NPLOC4: variants seen among roughly 807,000 people sequenced by gnomAD.
NPLOC4 encodes the protein NPL4 homolog, ubiquitin recognition factor.
Under a neutral mutation model 80.6 loss-of-function variants are expected in NPLOC4, and 18 were observed. The observed-to-expected ratio is 0.22, with a 90% CI of 0.15 to 0.33. The LOEUF (loss-of-function observed/expected upper bound fraction) is 0.33, where lower values mean the gene tolerates loss of function less well. NPLOC4 is among the 10% of genes least tolerant of loss of function. The pLI is 1.00. For synonymous variants in NPLOC4, 313 were observed against 301.5 expected (o/e 1.04, Z -0.39); for missense variants, 540 against 786.1 (o/e 0.69, Z 3.74).
At chr17:81,615,578 C>G (rs932799287) in intron 3 of NPLOC4, among the ~76,000 whole-genome samples, 1 of 152,222 alleles carries the variant, frequency 6.6e-6, no homozygotes, top group African/African-American at 2.4e-5. Context: ...ACTCAGACAG[C>G]AGCCAGCAAC....
intron 7 of NPLOC4, among the ~76,000 whole-genome samples, chr17:81,606,324 A>G (rs920086336): frequency 6.6e-6 from 1 of 152,104 alleles, no homozygotes; most frequent in Non-Finnish European, 1.5e-5. Context: ...TTCCTGAGCC[A>G]CATTCTCTCC....
rs1272410941 is a variant in NPLOC4, at chr17:81,567,159, G to A, written c.1566+258C>T. ...CCATTCGATTGTAACAGATGAAACC[G>A]TACTTCCTCACAGAGGTGCAGACAC... On this transcript the variant is annotated intron_variant, in intron 15 of 16. Coordinates refer to ENST00000331134, the MANE Select transcript of NPLOC4 (RefSeq NM_017921.4). This position sits in a 1 kb window ranked among gnomAD's most constrained non-coding sequence, Gnocchi z 4.5. Among the ~76,000 whole-genome samples the A allele has an allele frequency of 2.6e-5, 4 of 152,194 alleles. No homozygotes were observed. Among genetic ancestry groups the A allele is most frequent in the South Asian group, 4.1e-4 (2 of 4,830 alleles).
chr17:81,627,420 G>A (rs1464633108), intron 2 of NPLOC4, among the ~76,000 whole-genome samples: 2 of 151,312 alleles, frequency 1.3e-5, no homozygotes, highest in African/African-American at 2.4e-5. Context: ...GCATGGTGGG[G>A]AACAAAAATG....
chr17:81,592,821 A>T (rs2034785707), intron 11 of NPLOC4, among the ~76,000 whole-genome samples: 1 of 152,056 alleles, frequency 6.6e-6, no homozygotes, highest in Non-Finnish European at 1.5e-5. Flanking sequence ...CCGTCTCTAC[A>T]AAAAATACAA....
intron 6 of NPLOC4, 36 bp downstream of exon 6, chr17:81,608,692 A>C (rs1447753314): frequency 3.9e-5 from 58 of 1,489,520 alleles, no homozygotes; most frequent in Non-Finnish European, 4.7e-5. Flanking sequence ...CACAAAAAGG[A>C]ATTTACGCAC....
intron 11 of NPLOC4, among the ~76,000 whole-genome samples, chr17:81,595,816 T>C (rs1342933153): frequency 6.6e-6 from 1 of 152,172 alleles, no homozygotes; most frequent in Non-Finnish European, 1.5e-5. Flanking sequence ...AGTGCTGGGA[T>C]TACAGGCGTG....
intron 1 of NPLOC4, 54 bp downstream of exon 1, chr17:81,636,862 C>A: frequency 7.2e-7 from 1 of 1,390,502 alleles, no homozygotes; most frequent in Non-Finnish European, 9.4e-7. Context: ...CCGAGGCCGG[C>A]AAATCTGCTG....
At chr17:81,589,141 C>CCA in intron 11 of NPLOC4, 37 bp from the exon 12 acceptor site, 1 of 1,586,438 alleles carries the variant, frequency 6.3e-7, no homozygotes, top group Non-Finnish European at 8.6e-7. Flanking sequence ...GTCTACCAAA[C>CCA]GGCATTCAAA....
intron 2 of NPLOC4, among the ~76,000 whole-genome samples, chr17:81,628,853 G>A (rs943876459): frequency 8.6e-5 from 13 of 151,772 alleles, no homozygotes; most frequent in African/African-American, 2.9e-4. Context: ...ATGATTCTTT[G>A]AGTCAACTGT....
At chr17:81,571,904 C>G (rs1463748085) in intron 13 of NPLOC4, 113 bp downstream of exon 13, 1 of 643,252 alleles carries the variant, frequency 1.6e-6, no homozygotes, top group Non-Finnish European at 2.5e-6. Context: ...CTGCTCAAGG[C>G]AGAGGGTGCC....
chr17:81,559,802 G>C (rs542609248), intron 16 of NPLOC4, among the ~76,000 whole-genome samples: 1 of 144,394 alleles, frequency 6.9e-6, no homozygotes, highest in South Asian at 2.2e-4. Context: ...GCACGATCTC[G>C]GCTCACTGCA....
chr17:81,596,409 A>C (rs1292781808), intron 10 of NPLOC4, among the ~76,000 whole-genome samples, 167 bp from the exon 11 acceptor site: 1 of 152,164 alleles, frequency 6.6e-6, no homozygotes, highest in African/African-American at 2.4e-5. Flanking sequence ...AGAGTTCGAG[A>C]CCAGCCTGGC....
At chr17:81,570,570 C>A (rs2034135620) in intron 13 of NPLOC4, among the ~76,000 whole-genome samples, 1 of 152,194 alleles carries the variant, frequency 6.6e-6, no homozygotes, top group South Asian at 2.1e-4. Flanking sequence ...ACAGCCCATC[C>A]CAGATGTCCC....
chr17:81,584,808 C>T (rs971795616), intron 12 of NPLOC4, among the ~76,000 whole-genome samples: 1 of 152,116 alleles, frequency 6.6e-6, no homozygotes, highest in Non-Finnish European at 1.5e-5. Flanking sequence ...CTAGGAATAA[C>T]CTAACAAATG....
intron 12 of NPLOC4, among the ~76,000 whole-genome samples, chr17:81,582,962 G>A (rs1313835504): frequency 6.6e-6 from 1 of 152,284 alleles, no homozygotes; most frequent in Non-Finnish European, 1.5e-5. Context: ...CCCGGCCAGG[G>A]CCAGGCCTCC....
At chr17:81,619,557 A>G (rs1286894062) in intron 3 of NPLOC4, among the ~76,000 whole-genome samples, 2 of 150,368 alleles carry the variant, frequency 1.3e-5, no homozygotes, top group Admixed American at 6.7e-5. Flanking sequence ...TCTCAAGAAA[A>G]AAAAAAAAAA....
chr17:81,559,201 T>G lies in NPLOC4; in HGVS notation c.*58A>C, dbSNP rs961441121. On this transcript the variant is annotated 3_prime_UTR_variant, in exon 17 of 17. Transcript: ENST00000331134. ...TTACAGGGAACACACTCAGCAACGC[T>G]TCTGGCTTCAGGAAGGGCTGGGCTG... 1.3e-6 allele frequency: 2 copies of G among 1,524,540 alleles called. No homozygotes were observed. Among genetic ancestry groups the G allele is most frequent in the African/African-American group, 2.8e-5 (2 of 72,678 alleles). 94.4% of individuals were successfully genotyped at this position (1,524,540 alleles called of 1,614,324 possible). A position where few individuals can be genotyped will look rare whatever the true frequency, so the allele number is the denominator to read the frequency against.
At chr17:81,570,488 G>C (rs2034132889) in intron 13 of NPLOC4, among the ~76,000 whole-genome samples, 1 of 152,236 alleles carries the variant, frequency 6.6e-6, no homozygotes, top group African/African-American at 2.4e-5. Context: ...TAGTGAGTGA[G>C]CTAGTGGGAC....
At position 81,577,503 on chromosome 17, in the gene NPLOC4, G is replaced by A. The variant is rs1010430877; in HGVS notation, c.1282-5415C>T. ...CACAGCTTGGCTCATCTACTTCCGG[G>A]TTAGCTCAACGCACTCTTCTCTTCT... On this transcript the variant is annotated intron_variant, in intron 12 of 16. Transcript: ENST00000331134. The surrounding 1 kb of genome is among the most constrained non-coding windows in gnomAD (Gnocchi z 4.3). 6.6e-6 allele frequency among the ~76,000 whole-genome samples: 1 copy of A among 151,464 alleles called. No individual in the cohort carries two copies. Among genetic ancestry groups the A allele is most frequent in the Admixed American group, 6.6e-5 (1 of 15,180 alleles).
Sources: gnomAD v4.1 joint callset for allele counts (sites outside exome capture counted in the v4.1 genomes callset) on GRCh38, gnomAD v4.1.1 for gene constraint, Gnocchi (gnomAD v3.1) non-coding constraint, MANE v1.5 for transcripts, NCBI Gene and HGNC (gene_info 2026-07-23, HGNC 2026-07-21) for gene names.